The following RABGAP1L variants were observed in gnomAD, a reference collection of about 807,000 sequenced individuals.
RABGAP1L encodes rab GTPase-activating protein 1-like.
In RABGAP1L, 63 loss-of-function variants were observed where a neutral mutation model predicts 137.7. That is an observed-to-expected ratio of 0.46 (90% CI 0.37 to 0.56). The LOEUF (loss-of-function observed/expected upper bound fraction) is 0.56, where lower values mean the gene tolerates loss of function less well. Ranked by LOEUF, RABGAP1L falls within the 20% of genes least tolerant of loss-of-function variation. The pLI is 0.00. For missense variants in RABGAP1L, 1,095 were observed against 1,244.0 expected (o/e 0.88, Z 1.80); for synonymous variants, 431 against 433.7 (o/e 0.99, Z 0.08).
At chr1:174,422,440 A>C (rs1358693053) in intron 13 of RABGAP1L, among the ~76,000 whole-genome samples, 1 of 152,062 alleles carries the variant, frequency 6.6e-6, no homozygotes, top group Non-Finnish European at 1.5e-5. Flanking sequence ...TAAAATTTAT[A>C]ATAATAAGAA....
chr1:174,721,056 A>G (rs973781877), intron 17 of RABGAP1L, among the ~76,000 whole-genome samples: 6 of 152,340 alleles, frequency 3.9e-5, no homozygotes, highest in Admixed American at 3.3e-4. Context: ...AAATATACTC[A>G]GGTTTATTTC....
At chr1:174,915,706 C>G (rs1469282222) in intron 19 of RABGAP1L, among the ~76,000 whole-genome samples, 1 of 152,216 alleles carries the variant, frequency 6.6e-6, no homozygotes, top group South Asian at 2.1e-4. Context: ...CCGCCCACCT[C>G]GGCCTCCCAA....
At chr1:174,317,784 G>A (rs924189392) in intron 11 of RABGAP1L, among the ~76,000 whole-genome samples, 5 of 152,130 alleles carry the variant, frequency 3.3e-5, no homozygotes, top group African/African-American at 9.7e-5. Flanking sequence ...TGTAGCCCTT[G>A]GTGGCAAGGT....
chr1:174,629,893 T>C (rs902401885), intron 13 of RABGAP1L, among the ~76,000 whole-genome samples: 2 of 152,184 alleles, frequency 1.3e-5, no homozygotes, highest in Non-Finnish European at 2.9e-5. Flanking sequence ...TTCTTAAATA[T>C]GGAAGGTCAA....
intron 19 of RABGAP1L, among the ~76,000 whole-genome samples, chr1:174,944,268 C>G (rs1243940336): frequency 2.5e-5 from 3 of 119,466 alleles, no homozygotes; most frequent in African/African-American, 9.7e-5. Context: ...CAGAACAAGA[C>G]TGTCTCAAAA....
In RABGAP1L at chr1:174,570,357, T is replaced by A. The variant is rs528693724; in HGVS notation, c.1711-67018T>A. Among the ~76,000 whole-genome samples, 3 of 152,334 alleles carry A rather than the reference T, an allele frequency of 2.0e-5. No individual in the cohort carries two copies. In the East Asian group the frequency reaches 5.8e-4, roughly 29 times the overall value. On this transcript the variant is annotated intron_variant, in intron 13 of 25. Coordinates refer to ENST00000681986, the MANE Select transcript of RABGAP1L (RefSeq NM_001366446.1). ...TTGAGTGACCACAGAGCTTTATATC[T>A]TAGTGACTAGTGGTTAAAGAGATTG... is the stretch of plus-strand genomic sequence containing the variant.
intron 19 of RABGAP1L, among the ~76,000 whole-genome samples, chr1:174,851,213 C>A: frequency 6.6e-6 from 1 of 152,126 alleles, no homozygotes; most frequent in East Asian, 1.9e-4. Flanking sequence ...ACTAATAGAG[C>A]AAAATTATGT....
chr1:174,976,277 C>T lies in RABGAP1L; in HGVS notation c.2649+95C>T. The stretch of plus-strand genomic sequence containing the variant: ...AAGGAAAATTAAATTTCTTCTAAAT[C>T]AAAGGTGATGTTAAAGCAGTAATGT... On this transcript the variant is annotated intron_variant, in intron 22 of 25. Coordinates refer to ENST00000681986, the MANE Select transcript of RABGAP1L (RefSeq NM_001366446.1). The T allele has an allele frequency of 4.7e-6, 5 of 1,057,972 alleles. No homozygotes were observed. In the South Asian group the frequency reaches 7.4e-5, roughly 16 times the overall value. The allele number at this position is 1,057,972 out of a possible 1,614,324, so 65.5% of individuals were successfully genotyped here. A position where few individuals can be genotyped will look rare whatever the true frequency, so the allele number is the denominator to read the frequency against.
chr1:174,759,005 A>G (rs1268942455), intron 18 of RABGAP1L, among the ~76,000 whole-genome samples: 3 of 152,140 alleles, frequency 2.0e-5, no homozygotes, highest in Middle Eastern at 3.4e-3. Flanking sequence ...CTTTTCTCCT[A>G]TTCTTACTTA....
At chr1:174,349,959 G>A (rs1204558704) in intron 11 of RABGAP1L, among the ~76,000 whole-genome samples, 15 of 135,086 alleles carry the variant, frequency 1.1e-4, no homozygotes, top group Admixed American at 2.1e-4. Context: ...CGGGTGGGGG[G>A]GCTGACCCCC....
At chr1:174,393,283 A>G (rs1470700380) in intron 12 of RABGAP1L, among the ~76,000 whole-genome samples, 2 of 152,206 alleles carry the variant, frequency 1.3e-5, no homozygotes, top group Non-Finnish European at 2.9e-5. Context: ...ACAAATTCAG[A>G]CATGTAAACA....
intron 13 of RABGAP1L, among the ~76,000 whole-genome samples, chr1:174,556,922 C>A (rs1386242281): frequency 6.6e-6 from 1 of 152,200 alleles, no homozygotes; most frequent in Non-Finnish European, 1.5e-5. Context: ...GTCACGGAAT[C>A]TTTCTGGCTA....
At chr1:174,547,800 A>G in intron 13 of RABGAP1L, 1 of 1,454,762 alleles carries the variant, frequency 6.9e-7, no homozygotes, top group Non-Finnish European at 9.4e-7. Flanking sequence ...CCTATTACAT[A>G]GTATTTGAAA....
At chr1:174,622,864 A>G (rs973627133) in intron 13 of RABGAP1L, among the ~76,000 whole-genome samples, 37 of 152,244 alleles carry the variant, frequency 2.4e-4, no homozygotes, top group African/African-American at 8.7e-4. Context: ...TTTAAAAAAT[A>G]CCGAAATTTT....
chr1:174,774,708 C>T (rs781507399), intron 18 of RABGAP1L, among the ~76,000 whole-genome samples: 1 of 151,950 alleles, frequency 6.6e-6, no homozygotes, highest in Non-Finnish European at 1.5e-5. Context: ...AGAGAGACCT[C>T]ATCTCTCCAA....
At chr1:174,706,699 C>G (rs1400382132) in intron 17 of RABGAP1L, among the ~76,000 whole-genome samples, 1 of 152,168 alleles carries the variant, frequency 6.6e-6, no homozygotes, top group Non-Finnish European at 1.5e-5. Context: ...GGAACATTAT[C>G]TGCATTTCAG....
At chr1:174,895,697 G>GT (rs780216942) in intron 19 of RABGAP1L, among the ~76,000 whole-genome samples, 96 of 152,002 alleles carry the variant, frequency 6.3e-4, no homozygotes, top group Non-Finnish European at 9.9e-4. Flanking sequence ...GCGGTGTTTG[G>GT]TTTTTTGTCC....
chr1:174,969,119 T>C (rs1053543612), intron 20 of RABGAP1L, among the ~76,000 whole-genome samples, 158 bp from the exon 21 acceptor site: 3 of 152,216 alleles, frequency 2.0e-5, no homozygotes, highest in Non-Finnish European at 4.4e-5. Flanking sequence ...AACTCACTGT[T>C]GTTTCCCAGA....
At chr1:174,524,503 GT>G (rs1205151058) in intron 13 of RABGAP1L, among the ~76,000 whole-genome samples, 1 of 151,700 alleles carries the variant, frequency 6.6e-6, no homozygotes, top group African/African-American at 2.4e-5. Flanking sequence ...TGGGATATTT[GT>G]TTTTTCATTC....
Sources: gnomAD v4.1 joint callset for allele counts (sites outside exome capture counted in the v4.1 genomes callset) on GRCh38, gnomAD v4.1.1 for gene constraint, MANE v1.5 for transcripts, NCBI Gene and HGNC (gene_info 2026-07-23, HGNC 2026-07-21) for gene names.